Variants in PTPRT observed in about 807,000 individuals in gnomAD.
PTPRT encodes the protein receptor-type tyrosine-protein phosphatase T.
A neutral mutation model predicts 176.8 loss-of-function variants in PTPRT; 56 were observed. The observed-to-expected ratio is 0.32, with a 90% CI of 0.26 to 0.40. The LOEUF is 0.40. Among genes scored for constraint, PTPRT ranks in the 10% least tolerant of loss-of-function variants. The pLI is 1.00. For missense variants in PTPRT, 1,540 were observed against 1,908.2 expected (o/e 0.81, Z 3.60); for synonymous variants, 783 against 739.0 (o/e 1.06, Z -0.96).
At chr20:43,022,259 T>A (rs982235173) in intron 1 of PTPRT, among the ~76,000 whole-genome samples, 6 of 152,162 alleles carry the variant, frequency 3.9e-5, no homozygotes, top group African/African-American at 1.4e-4. Flanking sequence ...AGTGCACTGA[T>A]GGTGGAATGG....
chr20:42,940,884 A>G (rs936076680), intron 1 of PTPRT, among the ~76,000 whole-genome samples: 2 of 152,062 alleles, frequency 1.3e-5, no homozygotes, highest in Non-Finnish European at 2.9e-5. Flanking sequence ...GTTCAAAACC[A>G]GCCTGACCAA....
intron 1 of PTPRT, among the ~76,000 whole-genome samples, chr20:42,931,669 A>G (rs1357279222): frequency 6.6e-6 from 1 of 152,206 alleles, no homozygotes; most frequent in Non-Finnish European, 1.5e-5. Flanking sequence ...GCATACCATC[A>G]CTAATACATG....
At chr20:42,724,314 T>C (rs2076345814) in intron 6 of PTPRT, among the ~76,000 whole-genome samples, 1 of 152,320 alleles carries the variant, frequency 6.6e-6, no homozygotes, top group East Asian at 1.9e-4. Context: ...TCAGTCTCTG[T>C]CCTCCCTCAT....
At chr20:42,369,306 T>G (rs554478987) in intron 9 of PTPRT, among the ~76,000 whole-genome samples, 2 of 152,272 alleles carry the variant, frequency 1.3e-5, no homozygotes, top group South Asian at 4.2e-4. Flanking sequence ...GGGCCCAGAT[T>G]TTGCCTCCAA....
intron 1 of PTPRT, among the ~76,000 whole-genome samples, chr20:43,165,144 T>C (rs1381172080): frequency 1.3e-5 from 2 of 151,624 alleles, no homozygotes; most frequent in Non-Finnish European, 2.9e-5. Flanking sequence ...AGAGGCCAGT[T>C]CATCTGCACA....
intron 16 of PTPRT, among the ~76,000 whole-genome samples, chr20:42,197,322 T>C (rs1453826584): frequency 7.9e-6 from 1 of 127,196 alleles, no homozygotes; most frequent in Non-Finnish European, 1.5e-5. Flanking sequence ...GAGCTTGCAG[T>C]GAGCAGAGAT....
chr20:42,149,222 A>G (rs1989016059), intron 17 of PTPRT, among the ~76,000 whole-genome samples: 1 of 152,162 alleles, frequency 6.6e-6, no homozygotes, highest in African/African-American at 2.4e-5. Flanking sequence ...GGGAACAGCA[A>G]GTGCGGAGGC....
chr20:42,356,372 C>G (rs1478184321), intron 9 of PTPRT, among the ~76,000 whole-genome samples: 1 of 152,084 alleles, frequency 6.6e-6, no homozygotes, highest in Non-Finnish European at 1.5e-5. Flanking sequence ...GTAGGATCCA[C>G]AGCCAGAAAC....
intron 1 of PTPRT, among the ~76,000 whole-genome samples, chr20:42,977,487 T>G (rs758611388): frequency 6.6e-6 from 1 of 152,192 alleles, no homozygotes; most frequent in Non-Finnish European, 1.5e-5. Context: ...ATAATAAATA[T>G]GTAAAGTAGT....
At chr20:42,606,098 G>C (rs985288984) in intron 7 of PTPRT, among the ~76,000 whole-genome samples, 1 of 152,188 alleles carries the variant, frequency 6.6e-6, no homozygotes, top group Non-Finnish European at 1.5e-5. Context: ...AGAAATGCTG[G>C]CTTAGACCAC....
Position 42,199,245 on chromosome 20 carries a change from C to T in PTPRT, c.2486G>A (p.Gly829Glu). The change falls in exon 16 of 31, where the codon GGA becomes GAA. Residue 829 changes from glycine (G) to glutamate (E), a missense_variant. Gly to Glu is a moderately conservative substitution (Grantham distance 98). Coordinates refer to ENST00000373187, the MANE Select transcript of PTPRT (RefSeq NM_007050.6). ...CCTTTGTTGGCTCTACTTACTGAAT[C>T]CGTTGACGTCCTGAGAACTAGAAGA... is the stretch of plus-strand genomic sequence containing the variant. ...GFSSSSQDVN[G>E]FTDGSRGELS... The T allele has an allele frequency of 6.2e-7, 1 of 1,613,956 alleles. No individual in the cohort carries two copies. The highest frequency in any genetic ancestry group is 1.7e-5 in the Admixed American group (1 of 59,980).
chr20:42,743,422 A>G (rs1363232765), intron 6 of PTPRT, among the ~76,000 whole-genome samples: 1 of 152,246 alleles, frequency 6.6e-6, no homozygotes, highest in Non-Finnish European at 1.5e-5. Flanking sequence ...TACCTGCCCA[A>G]GAGGTGGGAA....
At chr20:42,641,633 G>A (rs1269403554) in intron 7 of PTPRT, among the ~76,000 whole-genome samples, 4 of 152,198 alleles carry the variant, frequency 2.6e-5, no homozygotes, top group African/African-American at 7.2e-5. Context: ...GATTAAGGCT[G>A]AATGTAATTC....
intron 15 of PTPRT, among the ~76,000 whole-genome samples, chr20:42,211,449 A>G (rs1345241473): frequency 3.5e-4 from 53 of 151,338 alleles, no homozygotes; most frequent in African/African-American, 1.2e-3. Context: ...CAAATTTACA[A>G]GAAAAAAACA....
rs1250634484 is a variant in PTPRT, at chr20:42,617,678, G to A, written c.1153+60188C>T. On this transcript the variant is annotated intron_variant, in intron 7 of 30. Transcript: ENST00000373187. ...CTGGTTTAGTCTTGGGAGGGTGTAT[G>A]TGTTGAGGAGTTTATCCATTTCTTC... Among the ~76,000 whole-genome samples the A allele has an allele frequency of 2.9e-5, 4 of 139,210 alleles. 1 individual carries two copies. Among genetic ancestry groups the A allele is most frequent in the African/African-American group, 9.3e-5 (3 of 32,142 alleles). 91.3% of individuals were successfully genotyped at this position (139,210 alleles called of 152,430 possible). A position where few individuals can be genotyped will look rare whatever the true frequency, so the allele number is the denominator to read the frequency against.
intron 1 of PTPRT, among the ~76,000 whole-genome samples, chr20:43,129,079 C>T (rs115443242): frequency 0.01 from 1,578 of 152,336 alleles, 32 homozygotes; most frequent in African/African-American, 0.036. Flanking sequence ...TATTCACTCT[C>T]ATCTAGCCCT....
intron 1 of PTPRT, among the ~76,000 whole-genome samples, chr20:43,158,293 C>T (rs929304662): frequency 6.6e-6 from 1 of 152,124 alleles, no homozygotes; most frequent in Non-Finnish European, 1.5e-5. Context: ...ATGAGGAAGT[C>T]TGAGGGTGGA....
intron 6 of PTPRT, among the ~76,000 whole-genome samples, chr20:42,737,156 T>G (rs1177922090): frequency 6.6e-6 from 1 of 152,144 alleles, no homozygotes; most frequent in South Asian, 2.1e-4. Context: ...CAAGCCAAGA[T>G]GAAGTCCTAC....
At chr20:42,083,040 G>T (rs1983498620) in intron 29 of PTPRT, among the ~76,000 whole-genome samples, 1 of 132,744 alleles carries the variant, frequency 7.5e-6, no homozygotes, top group African/African-American at 2.8e-5. Flanking sequence ...GTTGGTAAAA[G>T]AATGCCCCTG....
Sources: allele counts gnomAD v4.1 joint callset (sites outside exome capture counted in the v4.1 genomes callset), GRCh38; gene constraint gnomAD v4.1.1; transcripts MANE v1.5; gene names NCBI Gene and HGNC (gene_info 2026-07-23, HGNC 2026-07-21).